ADGRL2: variants seen among roughly 807,000 people sequenced by gnomAD.
ADGRL2 encodes the protein calcium-independent alpha-latrotoxin receptor 2.
A neutral mutation model predicts 157.4 loss-of-function variants in ADGRL2; 44 were observed. The observed-to-expected ratio is 0.28, with a 90% CI of 0.22 to 0.36. ADGRL2 has a LOEUF of 0.36. ADGRL2 is among the 10% of genes least tolerant of loss of function. The pLI, the probability that ADGRL2 is intolerant of heterozygous loss-of-function variation, is 1.00. For synonymous variants in ADGRL2, 585 were observed against 624.7 expected (o/e 0.94, Z 0.95); for missense variants, 1,510 against 1,768.9 (o/e 0.85, Z 2.63).
At chr1:81,824,967 C>CTCTCTCTCTCTT (rs1553162233) in intron 1 of ADGRL2, among the ~76,000 whole-genome samples, 24 of 150,496 alleles carry the variant, frequency 1.6e-4, no homozygotes, top group Non-Finnish European at 3.0e-4. Context: ...CTCTCTCTCT[C>CTCTCTCTCTCTT]TCTCTCTCTC....
intron 1 of ADGRL2, among the ~76,000 whole-genome samples, chr1:81,711,978 A>G (rs1056713213): frequency 2.6e-5 from 4 of 152,226 alleles, no homozygotes; most frequent in African/African-American, 9.6e-5. Context: ...CTAAAGGAGA[A>G]TATATCTGAG....
At chr1:81,728,995 G>T (rs1255459698) in intron 1 of ADGRL2, among the ~76,000 whole-genome samples, 1 of 152,078 alleles carries the variant, frequency 6.6e-6, no homozygotes, top group Admixed American at 6.6e-5. Flanking sequence ...AGTAGTTAAA[G>T]AAGAGGGGTT....
At position 81,987,027 on chromosome 1, in the gene ADGRL2, C is replaced by G; in HGVS notation, c.3635C>G (p.Pro1212Arg). The change falls in exon 22 of 24, where the codon CCA becomes CGA. Residue 1212 changes from proline (P) to arginine (R), a missense_variant and splice_region_variant. By Grantham distance (103) the Pro-to-Arg change is moderately radical. Around this residue, in one of 4 missense-constraint regions of ADGRL2, gnomAD observed 327 missense variants for 310.1 expected, o/e 1.05. Transcript: ENST00000686636. ...NAPSAPVFNS[P>R]ATYRETRHSL... Reference sequence around the variant, plus strand: ...CCTTCAGCTCCTGTATTTAACTCACCAGGTGTGCTTTACTTACAAATAAAA... The same window carrying G: ...CCTTCAGCTCCTGTATTTAACTCACGAGGTGTGCTTTACTTACAAATAAAA... 1 of 1,610,290 alleles carries G rather than the reference C, an allele frequency of 6.2e-7. No individual in the cohort carries two copies. The highest frequency in any genetic ancestry group is 8.5e-7 in the Non-Finnish European group (1 of 1,178,826).
intron 3 of ADGRL2, among the ~76,000 whole-genome samples, chr1:81,628,924 T>C: frequency 6.6e-6 from 1 of 152,254 alleles, no homozygotes; most frequent in East Asian, 1.9e-4. Flanking sequence ...TAGATAGGCT[T>C]TAAGATTATT....
intron 3 of ADGRL2, among the ~76,000 whole-genome samples, chr1:81,926,269 CTAAT>C (rs2095104182): frequency 6.6e-6 from 1 of 151,894 alleles, no homozygotes; most frequent in African/African-American, 2.4e-5. Flanking sequence ...CACAACAAGA[CTAAT>C]TAAATATTTA....
At chr1:81,989,941 T>C (rs923951849) in intron 23 of ADGRL2, 2 of 985,298 alleles carry the variant, frequency 2.0e-6, no homozygotes, top group South Asian at 4.7e-5. Context: ...CAGTTTTGTA[T>C]TGTGACTTAC....
chr1:81,372,291 C>G (rs2076173569), intron 1 of ADGRL2, among the ~76,000 whole-genome samples: 2 of 152,106 alleles, frequency 1.3e-5, no homozygotes. Flanking sequence ...ATAAATCATT[C>G]AAAGAATATT....
rs186772540 is a variant in ADGRL2 at position 81,888,593 on chromosome 1, C to T, written c.74-18424C>T. On this transcript the variant is annotated intron_variant, in intron 2 of 23. Coordinates refer to ENST00000686636, the MANE Select transcript of ADGRL2 (RefSeq NM_001366006.2). ...AGCTAGGACTACAGGCGCCCGCCAC[C>T]GCGCCCGGCTAATTTTGTTTTTGTA... 4.3e-3 allele frequency among the ~76,000 whole-genome samples: 652 copies of T among 152,190 alleles called. 5 individuals are homozygous for T. The highest frequency in any genetic ancestry group is 0.014 in the African/African-American group (591 of 41,538).
intron 2 of ADGRL2, among the ~76,000 whole-genome samples, chr1:81,876,594 CT>C (rs5775645): frequency 0.51 from 77,663 of 151,798 alleles, 20,779 homozygotes; most frequent in East Asian, 0.86. Context: ...TCAATAAGTA[CT>C]TGTTTAACTA....
chr1:81,597,924 G>C (rs560411882), intron 3 of ADGRL2, among the ~76,000 whole-genome samples: 1 of 152,176 alleles, frequency 6.6e-6, no homozygotes, highest in Non-Finnish European at 1.5e-5. Context: ...CAGTTCAGTC[G>C]TGCTGGGGAG....
intron 4 of ADGRL2, among the ~76,000 whole-genome samples, chr1:81,941,774 A>T (rs1250312385): frequency 2.0e-5 from 3 of 151,842 alleles, no homozygotes; most frequent in Non-Finnish European, 2.9e-5. Flanking sequence ...TAAGTGAAGC[A>T]ACATGCCAAC....
At chr1:81,414,166 T>A (rs2076995864) in intron 1 of ADGRL2, 1 of 137,214 alleles carries the variant, frequency 7.3e-6, no homozygotes, top group African/African-American at 2.5e-5. Context: ...CCTTTCTTTC[T>A]TCAGTTTCAG....
chr1:81,769,281 C>A (rs1302495571), intron 2 of ADGRL2, among the ~76,000 whole-genome samples: 1 of 151,924 alleles, frequency 6.6e-6, no homozygotes, highest in Non-Finnish European at 1.5e-5. Context: ...TGCTTGTATC[C>A]TGCATTTCCC....
chr1:81,314,144 G>T (rs1156822270), intron 1 of ADGRL2, among the ~76,000 whole-genome samples: 1 of 152,178 alleles, frequency 6.6e-6, no homozygotes, highest in Non-Finnish European at 1.5e-5. Context: ...ACATGCTTGT[G>T]CCAGGTACTG....
intron 1 of ADGRL2, among the ~76,000 whole-genome samples, chr1:81,760,676 T>C (rs1571107251): frequency 1.3e-5 from 2 of 151,842 alleles, no homozygotes; most frequent in East Asian, 1.9e-4. Flanking sequence ...AATTCAATAA[T>C]ATCTAGAACG....
In ADGRL2 at chr1:81,510,306, A is replaced by G. The variant is rs548307901; in HGVS notation, c.-248+65217A>G. ...AGTTTAAAGCAAATTTGACAGGAAC[A>G]TGCAGGTACCTCAGTGGCCCAATTT... On this transcript the variant is annotated intron_variant, in intron 2 of 24. Transcript: ENST00000370721. 7.2e-5 allele frequency among the ~76,000 whole-genome samples: 11 copies of G among 152,328 alleles called. No individual in the cohort carries two copies. The South Asian group carries it at 2.3e-3, about 32-fold the overall frequency.
intron 1 of ADGRL2, among the ~76,000 whole-genome samples, chr1:81,322,390 C>T (rs1359550438): frequency 6.6e-6 from 1 of 151,782 alleles, no homozygotes; most frequent in African/African-American, 2.4e-5. Flanking sequence ...ATAAAGGTAA[C>T]AGGACGTGAT....
chr1:81,526,007 C>A (rs1385214323), intron 2 of ADGRL2, among the ~76,000 whole-genome samples: 2 of 152,140 alleles, frequency 1.3e-5, no homozygotes, highest in East Asian at 3.9e-4. Flanking sequence ...ACCCATGACA[C>A]CCACTGAGAA....
chr1:81,887,717 T>C lies in ADGRL2; in HGVS notation c.74-19300T>C, dbSNP rs17107398. Among the ~76,000 whole-genome samples the C allele has an allele frequency of 9.8e-3, 1,493 of 152,302 alleles. 28 individuals carry two copies. The highest frequency in any genetic ancestry group is 0.035 in the African/African-American group (1,441 of 41,556). ...TTCAATAGAATTTGTCACATGCAGA[T>C]GCATTTTGGGAGAAAAAGAGGAGAA... On this transcript the variant is annotated intron_variant, in intron 2 of 23. Transcript: ENST00000686636.
Sources: gnomAD v4.1 joint callset for allele counts (sites outside exome capture counted in the v4.1 genomes callset) on GRCh38, gnomAD v4.1.1 for gene constraint, gnomAD v4.1.1 regional missense constraint, MANE v1.5 for transcripts, NCBI Gene and HGNC (gene_info 2026-07-23, HGNC 2026-07-21) for gene names.